The following NAT2 variants were observed in gnomAD, a reference collection of about 807,000 sequenced individuals.
NAT2 encodes N-acetyltransferase 2, also known as arylamine N-acetyltransferase 2.
For synonymous variants in NAT2, 137 were observed against 125.9 expected (o/e 1.09, Z -0.59); for missense variants, 428 against 339.1 (o/e 1.26, Z -2.06).
upstream of NAT2, chr8:18,387,231 G>C (rs1056790559): frequency 1.3e-5 from 2 of 153,528 alleles, no homozygotes; most frequent in Non-Finnish European, 2.9e-5. Context: ...TCTCCACCTC[G>C]TCCGCCCCGC....
At chr8:18,399,961 G>C (rs1280192787) in intron 1 of NAT2, 37 bp from the exon 2 acceptor site, 1 of 1,522,464 alleles carries the variant, frequency 6.6e-7, no homozygotes, top group African/African-American at 1.4e-5. Context: ...AAATGCTAAA[G>C]TATGATATGT....
At chr8:18,393,935 G>C (rs190522451) in intron 1 of NAT2, among the ~76,000 whole-genome samples, 233 of 152,294 alleles carry the variant, frequency 1.5e-3, no homozygotes, top group African/African-American at 5.3e-3. Context: ...TTTTATGAAA[G>C]ACATAGTTTC....
At chr8:18,390,872 C>G (rs1167421871), upstream of NAT2, among the ~76,000 whole-genome samples, 1 of 152,062 alleles carries the variant, frequency 6.6e-6, no homozygotes, top group East Asian at 1.9e-4. Flanking sequence ...AAAAGAGAGG[C>G]CTTATAGGAA....
intron 1 of NAT2, among the ~76,000 whole-genome samples, chr8:18,398,607 C>T (rs150339859): frequency 2.0e-3 from 309 of 152,244 alleles, no homozygotes; most frequent in African/African-American, 7.1e-3. Flanking sequence ...AAGTCTTCGA[C>T]GAAACCATGA....
At chr8:18,396,976 T>C (rs1001103775) in intron 1 of NAT2, among the ~76,000 whole-genome samples, 2 of 152,210 alleles carry the variant, frequency 1.3e-5, no homozygotes, top group African/African-American at 4.8e-5. Context: ...TTTTATGTAA[T>C]TTAAAATCTT....
chr8:18,393,171 T>G (rs567529190), intron 1 of NAT2, among the ~76,000 whole-genome samples: 1 of 152,182 alleles, frequency 6.6e-6, no homozygotes, highest in South Asian at 2.1e-4. Flanking sequence ...ACTTTGAAAT[T>G]TAAAACAAGT....
intron 1 of NAT2, among the ~76,000 whole-genome samples, chr8:18,395,013 C>G (rs1800660321): frequency 6.6e-6 from 1 of 152,072 alleles, no homozygotes; most frequent in Non-Finnish European, 1.5e-5. Flanking sequence ...AAAATTTTGA[C>G]TCTGAAAAAC....
intron 1 of NAT2, among the ~76,000 whole-genome samples, chr8:18,398,171 G>A (rs1800724183): frequency 1.3e-5 from 2 of 152,134 alleles, no homozygotes; most frequent in South Asian, 4.2e-4. Flanking sequence ...GACAAGGTAT[G>A]GGCACATATA....
chr8:18,393,683 A>T (rs943572364), intron 1 of NAT2, among the ~76,000 whole-genome samples: 1 of 152,166 alleles, frequency 6.6e-6, no homozygotes, highest in African/African-American at 2.4e-5. Context: ...TTTTCTCCTG[A>T]TACCTTCAGT....
intron 1 of NAT2, among the ~76,000 whole-genome samples, chr8:18,394,295 A>T (rs1391850099): frequency 6.6e-6 from 1 of 152,138 alleles, no homozygotes; most frequent in South Asian, 2.1e-4. Flanking sequence ...GGCCATCTGG[A>T]TGTGTACATG....
chr8:18,393,263 A>G (rs762119916), intron 1 of NAT2, among the ~76,000 whole-genome samples: 30 of 152,086 alleles, frequency 2.0e-4, no homozygotes, highest in Non-Finnish European at 2.9e-4. Context: ...TAGCAGTGGA[A>G]AAACACATTT....
intron 1 of NAT2, among the ~76,000 whole-genome samples, chr8:18,391,701 A>C (rs1367852303): frequency 6.6e-6 from 1 of 152,196 alleles, no homozygotes; most frequent in Non-Finnish European, 1.5e-5. Context: ...TTAATCCCCA[A>C]AATATATTTC....
chr8:18,390,141 G>A (rs1294494301), upstream of NAT2, among the ~76,000 whole-genome samples: 8 of 152,140 alleles, frequency 5.3e-5, no homozygotes, highest in Non-Finnish European at 1.5e-5. Flanking sequence ...GTGGTCCCAG[G>A]TGCTTTAATT....
At chr8:18,399,203 A>G (rs1376153684) in intron 1 of NAT2, among the ~76,000 whole-genome samples, 1 of 152,076 alleles carries the variant, frequency 6.6e-6, no homozygotes, top group Non-Finnish European at 1.5e-5. Flanking sequence ...GCATGGAACA[A>G]TCCTCCTCAC....
intron 1 of NAT2, among the ~76,000 whole-genome samples, chr8:18,392,359 A>G (rs1310303455): frequency 6.6e-6 from 1 of 152,200 alleles, no homozygotes; most frequent in East Asian, 1.9e-4. Context: ...AAAGTAGGGA[A>G]GCCGACAGTG....
At chr8:18,396,518 C>G (rs1373644278) in intron 1 of NAT2, among the ~76,000 whole-genome samples, 1 of 152,152 alleles carries the variant, frequency 6.6e-6, no homozygotes, top group African/African-American at 2.4e-5. Context: ...GCCTCAGCCT[C>G]CTGAGTAGCT....
rs547595017 is a variant in NAT2 at position 18,398,248 on chromosome 8, C to A, written c.-6-1750C>A. On this transcript the variant is annotated intron_variant, in intron 1 of 1. Coordinates refer to ENST00000286479, the MANE Select transcript of NAT2 (RefSeq NM_000015.3). ...ACTGGGGAAACCCAGCAAGACCTGTCTGTCTAGATTCCTCTTGACCTCTCT... is the reference window on the plus strand; with the variant it reads ...ACTGGGGAAACCCAGCAAGACCTGTATGTCTAGATTCCTCTTGACCTCTCT... Among the ~76,000 whole-genome samples the A allele has an allele frequency of 6.6e-5, 10 of 152,348 alleles. No individual in the cohort carries two copies. In the East Asian group the frequency reaches 1.9e-3, roughly 29 times the overall value.
upstream of NAT2, among the ~76,000 whole-genome samples, chr8:18,386,442 C>CTACT (rs1330804655): frequency 6.6e-6 from 1 of 152,104 alleles, no homozygotes; most frequent in Non-Finnish European, 1.5e-5. Flanking sequence ...GCGGCCCGGG[C>CTACT]TACTAAGGCA....
rs564140773 is a variant in NAT2 at position 18,396,435 on chromosome 8, G to C, written c.-6-3563G>C. Among the ~76,000 whole-genome samples, 3 of 150,928 alleles carry C rather than the reference G, an allele frequency of 2.0e-5. No individual in the cohort carries two copies. In the South Asian group the frequency reaches 6.3e-4, roughly 31 times the overall value. ...TTTAAAATCTAAAAAATTTTTTTTT[G>C]TTCTTTTGAGACCGAATCTCACTCT... is the stretch of plus-strand genomic sequence containing the variant. On this transcript the variant is annotated intron_variant, in intron 1 of 1. Coordinates refer to ENST00000286479, the MANE Select transcript of NAT2 (RefSeq NM_000015.3).
Sources: gnomAD v4.1 joint callset for allele counts (sites outside exome capture counted in the v4.1 genomes callset) on GRCh38, gnomAD v4.1.1 for gene constraint, MANE v1.5 for transcripts, NCBI Gene and HGNC (gene_info 2026-07-23, HGNC 2026-07-21) for gene names.